The following HEPH variants were observed in gnomAD, a reference collection of about 807,000 sequenced individuals.
The protein encoded by HEPH is hephaestin.
Under a neutral mutation model 80.8 loss-of-function variants are expected in HEPH, and 69 were observed. That is an observed-to-expected ratio of 0.85 (90% CI 0.70 to 1.04). HEPH has a LOEUF of 1.04. HEPH is among the 50% of genes least tolerant of loss of function. The pLI is 0.00. For missense variants in HEPH, 1,115 were observed against 891.3 expected, an observed-to-expected ratio of 1.25 and a Z score of -3.20; for synonymous variants, 431 against 322.8, an observed-to-expected ratio of 1.34 and a Z score of -3.60.
chrX:66,211,372 GTATAA>G (rs78967196), intron 15 of HEPH, among the ~76,000 whole-genome samples: 2,373 of 111,518 alleles, frequency 0.021, 19 homozygotes, highest in Non-Finnish European at 0.03. Flanking sequence ...CATCATCCAA[GTATAA>G]TATATTTTTG....
At chrX:66,236,824 A>G (rs1219816950) in intron 15 of HEPH, among the ~76,000 whole-genome samples, 1 of 110,772 alleles carries the variant, frequency 9.0e-6, no homozygotes, top group African/African-American at 3.3e-5. Flanking sequence ...TCAGAAATTT[A>G]ATTTTTTCCT....
At chrX:66,229,884 C>A (rs888360369) in intron 15 of HEPH, among the ~76,000 whole-genome samples, 6 of 107,483 alleles carry the variant, frequency 5.6e-5, no homozygotes, top group African/African-American at 2.0e-4. Flanking sequence ...ACTAACCCGT[C>A]ATCTTGCATT....
intron 15 of HEPH, among the ~76,000 whole-genome samples, chrX:66,208,633 T>C (rs1171427306): frequency 0.071 from 34 of 482 alleles, no homozygotes; most frequent in African/African-American, 0.26. Context: ...TATACATACA[T>C]ATATATATAT....
intron 15 of HEPH, among the ~76,000 whole-genome samples, chrX:66,244,305 A>G (rs932335428): frequency 1.8e-5 from 2 of 111,743 alleles, no homozygotes; most frequent in Admixed American, 9.5e-5. Flanking sequence ...AGGGTTGTCA[A>G]TGAGTCATAG....
intron 6 of HEPH, among the ~76,000 whole-genome samples, chrX:66,190,478 G>A (rs1303210190): frequency 2.7e-5 from 3 of 111,476 alleles, no homozygotes; most frequent in East Asian, 5.7e-4. Flanking sequence ...GAGGAAGAGC[G>A]TATGAAGCAA....
chrX:66,176,556 TG>T (rs1364134692), intron 4 of HEPH, among the ~76,000 whole-genome samples: 1 of 111,683 alleles, frequency 9.0e-6, no homozygotes, highest in Non-Finnish European at 1.9e-5. Flanking sequence ...TGTACAGGTT[TG>T]TTACATATGT....
chrX:66,173,866 T>G, intron 4 of HEPH, 65 bp downstream of exon 4: 1 of 801,682 alleles, frequency 1.2e-6, no homozygotes, highest in South Asian at 2.8e-5. Flanking sequence ...AGTGATATGG[T>G]TGAACCACCT....
At chrX:66,204,174 A>T (rs1025030245) in intron 13 of HEPH, among the ~76,000 whole-genome samples, 4 of 111,924 alleles carry the variant, frequency 3.6e-5, no homozygotes, top group African/African-American at 1.3e-4. Flanking sequence ...CTATAAGGAC[A>T]CAGCATGGAA....
At chrX:66,256,848 A>G (rs921107005) in intron 17 of HEPH, among the ~76,000 whole-genome samples, 12 of 112,406 alleles carry the variant, frequency 1.1e-4, no homozygotes, top group African/African-American at 3.9e-4. Context: ...AGTGAGAAGC[A>G]TACTGGATTT....
chrX:66,196,869 A>T (rs2088130024), intron 9 of HEPH, among the ~76,000 whole-genome samples: 1 of 110,623 alleles, frequency 9.0e-6, no homozygotes, highest in Admixed American at 9.6e-5. Context: ...CCTTTTAAAG[A>T]AATAGCTTTG....
At chrX:66,225,980 G>T (rs748879507) in intron 15 of HEPH, among the ~76,000 whole-genome samples, 2 of 111,897 alleles carry the variant, frequency 1.8e-5, no homozygotes, top group Admixed American at 1.9e-4. Flanking sequence ...CCTTTTAAGG[G>T]CTCACAACTT....
At chrX:66,175,313 G>A (rs1051710394) in intron 4 of HEPH, among the ~76,000 whole-genome samples, 1 of 111,556 alleles carries the variant, frequency 9.0e-6, no homozygotes, top group African/African-American at 3.3e-5. Flanking sequence ...AGATCAGTTG[G>A]CTGTAAGTGT....
At chrX:66,268,744 G>A (rs928299809), downstream of HEPH, 10 of 111,754 alleles carry the variant, frequency 8.9e-5, no homozygotes, top group African/African-American at 3.2e-4. Context: ...ATGTATTTAA[G>A]AAAGAAATGT....
chrX:66,175,492 G>A (rs1031253146), intron 4 of HEPH, among the ~76,000 whole-genome samples: 22 of 111,377 alleles, frequency 2.0e-4, no homozygotes, highest in African/African-American at 6.5e-4. Context: ...CTATGCAGGC[G>A]CTTTTTTGGT....
In HEPH at chrX:66,173,680, A is replaced by T; in HGVS notation, c.504A>T (p.Pro168=). The change falls in exon 4 of 21, where the codon CCA becomes CCT. Residue 168 remains proline (P), a synonymous_variant. Coordinates refer to ENST00000343002, the MANE Select transcript of HEPH (RefSeq NM_001367233.3). Reference sequence around the variant, plus strand: ...GCCATATCTACAACTGGACCATTCCAGAAGGCCATGCACCCACCGATGCTG... The same window carrying T: ...GCCATATCTACAACTGGACCATTCCTGAAGGCCATGCACCCACCGATGCTG... ...GGSHIYNWTI[P]EGHAPTDADP... is the part of the protein sequence containing the mutation. The T allele has an allele frequency of 1.7e-6, 2 of 1,210,619 alleles. No individual in the cohort carries two copies. Among genetic ancestry groups the T allele is most frequent in the Non-Finnish European group, 1.1e-6 (1 of 894,698 alleles).
downstream of HEPH, chrX:66,268,027 G>C (rs1158315510): frequency 9.0e-6 from 1 of 111,534 alleles, no homozygotes; most frequent in Non-Finnish European, 1.9e-5. Context: ...TTACCTCAGG[G>C]CAAGTCATTT....
At chrX:66,217,627 A>G (rs1569349750) in intron 15 of HEPH, among the ~76,000 whole-genome samples, 1 of 111,867 alleles carries the variant, frequency 8.9e-6, no homozygotes, top group East Asian at 2.8e-4. Flanking sequence ...CAACAATGAA[A>G]AAAAGCCAAG....
intron 15 of HEPH, among the ~76,000 whole-genome samples, chrX:66,221,867 T>C (rs2089664583): frequency 1.8e-5 from 2 of 112,804 alleles, no homozygotes; most frequent in Admixed American, 1.9e-4. Context: ...TAATCTGGTA[T>C]TCTCTGTGGG....
Position 66,264,973 on chromosome X carries a change from G to T in HEPH, c.3244+1285G>T, listed in dbSNP as rs889627987. On this transcript the variant is annotated intron_variant, in intron 20 of 20. Coordinates refer to ENST00000343002, the MANE Select transcript of HEPH (RefSeq NM_001367233.3). ...CTCATAAGCTCTCATTTGTTAAAAA[G>T]TTTCTACAATGGGGAAAAAAGCCTT... is the stretch of plus-strand genomic sequence containing the variant. Among the ~76,000 whole-genome samples, 13 of 108,359 alleles carry T rather than the reference G, an allele frequency of 1.2e-4. 1 individual carries two copies. The highest frequency in any genetic ancestry group is 2.9e-4 in the East Asian group (1 of 3,479). The allele number at this position is 108,359 out of a possible 115,157, so 94.1% of individuals were successfully genotyped here. A position where few individuals can be genotyped will look rare whatever the true frequency, so the allele number is the denominator to read the frequency against.
Sources: allele counts gnomAD v4.1 joint callset (sites outside exome capture counted in the v4.1 genomes callset), GRCh38; gene constraint gnomAD v4.1.1; transcripts MANE v1.5; gene names NCBI Gene and HGNC (gene_info 2026-07-23, HGNC 2026-07-21).